Variants in AP5Z1 observed in about 807,000 individuals in gnomAD.
The protein encoded by AP5Z1 is AP-5 complex subunit zeta-1.
AP5Z1 carries 106 observed loss-of-function variants against 83.0 expected under a neutral mutation model. The observed-to-expected ratio is 1.28, with a 90% CI of 1.09 to 1.50. The LOEUF (loss-of-function observed/expected upper bound fraction) is 1.50. Among genes scored for constraint, AP5Z1 ranks in the 40% most tolerant of loss-of-function variants. The pLI is 0.00. For missense variants in AP5Z1, 1,565 were observed against 1,094.2 expected (o/e 1.43, Z -6.07); for synonymous variants, 751 against 514.1 (o/e 1.46, Z -6.23).
chr7:4,790,484 C>T lies in AP5Z1; in HGVS notation c.1831C>T (p.Leu611=), dbSNP rs766893256. The part of the protein sequence containing the change: ...HSVLSSQFLA[L]CTLKPSLVVE... ...TGTGCTGAGTTCTCAGTTCCTGGCC[C>T]TGTGTACGCTGAAACCCTCCCTGGT... Residue 611 remains leucine (L), a synonymous_variant, in exon 15 of 17, where the codon CTG becomes TTG. Transcript: ENST00000649063. 2.5e-6 allele frequency: 4 copies of T among 1,613,090 alleles called. No individual in the cohort carries two copies. The highest frequency in any genetic ancestry group is 1.3e-5 in the African/African-American group (1 of 74,936).
At chr7:4,789,027 G>T (rs1562412611) in intron 13 of AP5Z1, 76 bp downstream of exon 13, 3 of 1,266,752 alleles carry the variant, frequency 2.4e-6, no homozygotes, top group East Asian at 2.5e-5. Flanking sequence ...GCACTGGGGG[G>T]CCCTCTTGAG....
intron 1 of AP5Z1, among the ~76,000 whole-genome samples, chr7:4,777,829 T>C (rs7810433): frequency 0.065 from 9,920 of 152,298 alleles, 433 homozygotes; most frequent in African/African-American, 0.12. Context: ...TTCAAGAAGG[T>C]TAATCTATTA....
rs1436309136 is a variant in AP5Z1, at chr7:4,781,595, G to T, written c.207G>T (p.Leu69=). The T allele has an allele frequency of 6.2e-7, 1 of 1,609,354 alleles. No individual in the cohort carries two copies. The highest frequency in any genetic ancestry group is 1.3e-5 in the African/African-American group (1 of 74,970). Residue 69 remains leucine, a synonymous_variant, in exon 3 of 17, where the codon CTG becomes CTT. Transcript: ENST00000649063. ...RRLEKTCVDL[L]QATLGLPACP... The stretch of plus-strand genomic sequence containing the variant: ...TGGAGAAGACATGCGTAGACCTGCT[G>T]CAGGCCACCCTCGGCCTGCCTGCAT...
chr7:4,781,097 C>T (rs951543541), intron 1 of AP5Z1, 78 bp from the exon 2 acceptor site: 6 of 1,535,364 alleles, frequency 3.9e-6, no homozygotes, highest in South Asian at 1.3e-5. Context: ...GAGGGATTTT[C>T]CCTGCTCCAA....
At position 4,788,708 on chromosome 7, in the gene AP5Z1, AG is replaced by A. The variant is rs527633888; in HGVS notation, c.1596-130del. 7.7e-4 allele frequency: 581 copies of A among 753,692 alleles called. 2 individuals are homozygous for A. The highest frequency in any genetic ancestry group is 7.1e-3 in the African/African-American group (400 of 55,956). The allele number at this position is 753,692 out of a possible 1,614,324, so 46.7% of individuals were successfully genotyped here. On this transcript the variant is annotated intron_variant, in intron 12 of 16. Coordinates refer to ENST00000649063, the MANE Select transcript of AP5Z1 (RefSeq NM_014855.3). The stretch of plus-strand genomic sequence containing the variant: ...GTCTCCCCAAACCCAGGGGAGCAGG[AG>A]GTCCCGAGAGGCGATGAGTGAGGAT...
Position 4,791,099 on chromosome 7 carries a change from G to C in AP5Z1, c.2154-16G>C, listed in dbSNP as rs1562415433. On this transcript the variant is annotated splice_polypyrimidine_tract_variant and intron_variant, in intron 16 of 16. Transcript: ENST00000649063. ...GGGGAGCATCTGCAGCTGACGGAGG[G>C]ACCTTCTTTCCCCAGGGCCTCTTTA... The C allele has an allele frequency of 6.4e-7, 1 of 1,563,970 alleles. No individual in the cohort carries two copies. The highest frequency in any genetic ancestry group is 8.7e-7 in the Non-Finnish European group (1 of 1,154,270).
chr7:4,788,014 C>A, intron 11 of AP5Z1, 140 bp from the exon 12 acceptor site: 1 of 1,349,196 alleles, frequency 7.4e-7, no homozygotes, highest in Non-Finnish European at 9.8e-7. Context: ...ACGCCCAGGC[C>A]TGGAGCCTCC....
At position 4,794,344 on chromosome 7, in the gene AP5Z1, A is replaced by G. The variant is rs1781884508; in HGVS notation, c.*2959A>G. On this transcript the variant is annotated 3_prime_UTR_variant, in exon 17 of 17. Transcript: ENST00000649063. ...TGACAACCCACTCGGGTCCCCTTCC[A>G]CACCGGGATGCTTTGTTTGTTCGCT... 1 of 152,320 alleles carries G rather than the reference A, an allele frequency of 6.6e-6. No homozygotes were observed. The highest frequency in any genetic ancestry group is 2.4e-5 in the African/African-American group (1 of 41,438). 9.4% of individuals were successfully genotyped at this position (152,320 alleles called of 1,614,324 possible).
intron 6 of AP5Z1, 107 bp from the exon 7 acceptor site, chr7:4,784,801 G>A (rs964987942): frequency 5.1e-5 from 72 of 1,416,154 alleles, no homozygotes; most frequent in Non-Finnish European, 6.7e-5. Flanking sequence ...CGCCTCCCGG[G>A]AGGGGCTGCG....
intron 5 of AP5Z1, 43 bp downstream of exon 5, chr7:4,783,841 A>C: frequency 1.3e-6 from 2 of 1,523,070 alleles, no homozygotes; most frequent in Non-Finnish European, 1.8e-6. Context: ...ACAGAGTCAC[A>C]GACAACCCCT....
chr7:4,776,877 C>T (rs1562401341), intron 1 of AP5Z1, among the ~76,000 whole-genome samples: 2 of 152,146 alleles, frequency 1.3e-5, no homozygotes, highest in South Asian at 2.1e-4. Context: ...GCCAAGATCG[C>T]ACCACTGGAC....
In AP5Z1 at chr7:4,791,855, A is replaced by C. The variant is rs1461405921; in HGVS notation, c.*470A>C. The C allele has an allele frequency of 6.2e-6, 1 of 161,124 alleles. No individual in the cohort carries two copies. Among genetic ancestry groups the C allele is most frequent in the East Asian group, 1.8e-4 (1 of 5,460 alleles). 10.0% of individuals were successfully genotyped at this position (161,124 alleles called of 1,614,324 possible). On this transcript the variant is annotated 3_prime_UTR_variant, in exon 17 of 17. Transcript: ENST00000649063. ...CCCTGGCAGCTGCTGCCAGTCCTGG[A>C]GGCTCAGCCCGGCGTGCCACTGCTG...
chr7:4,786,468 G>GT (rs1562409469), intron 10 of AP5Z1, 40 bp downstream of exon 10: 1 of 1,601,834 alleles, frequency 6.2e-7, no homozygotes, highest in Non-Finnish European at 8.5e-7. Flanking sequence ...CAGGGGCATG[G>GT]TAAGTCCCTG....
intron 11 of AP5Z1, 106 bp downstream of exon 11, chr7:4,787,882 T>TC (rs1781603614): frequency 7.4e-7 from 1 of 1,348,352 alleles, no homozygotes. Context: ...ACCCTCCTTC[T>TC]TCCCCCCCCA....
chr7:4,788,156 C>A lies in AP5Z1; in HGVS notation c.1457C>A (p.Ser486Ter). The A allele has an allele frequency of 6.5e-7, 1 of 1,549,552 alleles. No homozygotes were observed. The highest frequency in any genetic ancestry group is 1.2e-5 in the South Asian group (1 of 83,988). Reference protein sequence around the residue: ...LTAVLDLQLRSAPAASERPLW... With the variant: ...LTAVLDLQLR ...GCCTTGGGCGTCTGTCCACGCAGGT[C>A]AGCACCGGCTGCATCCGAGAGGCCA... The change falls in exon 12 of 17, where the codon TCA (serine) becomes TAA (stop). Residue 486 changes from serine to a stop codon, truncating the protein, a stop_gained and splice_region_variant. Coordinates refer to ENST00000649063, the MANE Select transcript of AP5Z1 (RefSeq NM_014855.3). LOFTEE classifies it high-confidence loss of function.
chr7:4,790,378 G>C lies in AP5Z1; in HGVS notation c.1806-81G>C, dbSNP rs545831621. The C allele has an allele frequency of 5.1e-5, 82 of 1,602,396 alleles. No individual in the cohort carries two copies. The East Asian group carries it at 1.8e-3, about 34-fold the overall frequency. On this transcript the variant is annotated intron_variant, in intron 14 of 16. Transcript: ENST00000649063. Reference sequence around the variant, plus strand: ...ACACCTACCACTCAGACGCTTCCCGGGTTTCTCCAGGCCCTTGGCCTGGAT... The same window carrying C: ...ACACCTACCACTCAGACGCTTCCCGCGTTTCTCCAGGCCCTTGGCCTGGAT...
At position 4,784,250 on chromosome 7, in the gene AP5Z1, C is replaced by A; in HGVS notation, c.669C>A (p.Phe223Leu). 6.3e-7 allele frequency: 1 copy of A among 1,583,468 alleles called. No individual in the cohort carries two copies. The highest frequency in any genetic ancestry group is 2.3e-5 in the East Asian group (1 of 43,260). ...ACGGGGCGGTAGCCACAGACTTCTTCACGGTGCTCTCCAGCGGCCACCGCT... is the reference window on the plus strand; with the variant it reads ...ACGGGGCGGTAGCCACAGACTTCTTAACGGTGCTCTCCAGCGGCCACCGCT... ...EVDGAVATDF[F>L]TVLSSGHRFT... The change falls in exon 6 of 17, where the codon TTC becomes TTA. Residue 223 changes from phenylalanine (F) to leucine (L), a missense_variant. Physicochemically the swap from Phe to Leu is conservative, Grantham distance 22 (BLOSUM62 0). Transcript: ENST00000649063.
chr7:4,787,454 C>G (rs1426741994), intron 10 of AP5Z1, 180 bp from the exon 11 acceptor site: 4 of 924,320 alleles, frequency 4.3e-6, no homozygotes, highest in East Asian at 2.8e-5. Flanking sequence ...CCACTGCACT[C>G]CAGCCTGGGC....
At chr7:4,788,801 G>A (rs752100748) in intron 12 of AP5Z1, 39 bp from the exon 13 acceptor site, 18 of 1,521,596 alleles carry the variant, frequency 1.2e-5, no homozygotes, top group African/African-American at 9.6e-5. Flanking sequence ...TCACCAGGTC[G>A]GGGAGCGGGC....
Sources: gnomAD v4.1 joint callset for allele counts (sites outside exome capture counted in the v4.1 genomes callset) on GRCh38, gnomAD v4.1.1 for gene constraint, MANE v1.5 for transcripts, NCBI Gene and HGNC (gene_info 2026-07-23, HGNC 2026-07-21) for gene names.